The following REV1 variants were observed in gnomAD, a reference collection of about 807,000 sequenced individuals.
REV1 encodes the protein REV1 DNA directed polymerase, also known as translesion synthesis protein REV1.
REV1 carries 42 observed loss-of-function variants against 137.4 expected under a neutral mutation model. That is an observed-to-expected ratio of 0.31 (90% confidence interval 0.24 to 0.40). The LOEUF is 0.40. Among genes scored for constraint, REV1 ranks in the 10% least tolerant of loss-of-function variants. The pLI, the probability that REV1 is intolerant of heterozygous loss-of-function variation, is 1.00. For synonymous variants in REV1, 524 were observed against 519.2 expected (o/e 1.01, Z -0.12); for missense variants, 1,282 against 1,490.1 (o/e 0.86, Z 2.30).
intron 8 of REV1, among the ~76,000 whole-genome samples, chr2:99,431,296 T>G (rs1333152002): frequency 6.6e-6 from 1 of 152,188 alleles, no homozygotes; most frequent in Non-Finnish European, 1.5e-5. Flanking sequence ...GTGAGCTAGT[T>G]TCTGACATAT....
intron 6 of REV1, among the ~76,000 whole-genome samples, chr2:99,437,927 C>T (rs1393365311): frequency 1.3e-5 from 2 of 152,052 alleles, no homozygotes; most frequent in African/African-American, 4.8e-5. Flanking sequence ...CTCTCTATAC[C>T]TCAGTTTCCA....
intron 2 of REV1, 50 bp downstream of exon 2, chr2:99,464,872 A>G (rs374958831): frequency 8.4e-4 from 1,291 of 1,541,850 alleles, no homozygotes; most frequent in Non-Finnish European, 1.0e-3. Flanking sequence ...AGAAGAATGA[A>G]AAATAACTAG....
rs777526632 is a variant in REV1, at chr2:99,438,789, T to C, written c.1025A>G (p.Lys342Arg). 6.2e-7 allele frequency: 1 copy of C among 1,614,236 alleles called. No homozygotes were observed. Among genetic ancestry groups the C allele is most frequent in the Non-Finnish European group, 8.5e-7 (1 of 1,180,036 alleles). Residue 342 changes from lysine (K) to arginine (R), a missense_variant, in exon 6 of 23, where the codon AAA becomes AGA. Transcript: ENST00000258428. ...TGAAATAAAATTGCAGTCTGAAGGT[T>C]TGGATGGCACTGAAGGTGCTGCCTT... ...FSKAAPSVPS[K>R]PSDCNFISNF...
chr2:99,424,331 C>A, intron 9 of REV1, 51 bp from the exon 10 acceptor site: 1 of 1,570,598 alleles, frequency 6.4e-7, no homozygotes, highest in South Asian at 1.2e-5. Flanking sequence ...GTTTTCAACT[C>A]AAATATTTAT....
chr2:99,407,505 C>G (rs1676503760), intron 15 of REV1, among the ~76,000 whole-genome samples: 1 of 151,334 alleles, frequency 6.6e-6, no homozygotes, highest in African/African-American at 2.4e-5. Context: ...TGAGCCGATA[C>G]AACGCCATTG....
At position 99,403,648 on chromosome 2, in the gene REV1, A is replaced by G. The variant is rs575316111; in HGVS notation, c.3166+47T>C. The stretch of plus-strand genomic sequence containing the variant: ...GCAATAATTAGACAACAGTGACTCC[A>G]TTACTCTTTGTCTTCATTTTTGTTA... On this transcript the variant is annotated intron_variant, in intron 19 of 22. Transcript: ENST00000258428. The G allele has an allele frequency of 3.6e-4, 578 of 1,613,506 alleles. 7 individuals are homozygous for G. In the South Asian group the frequency reaches 6.0e-3, roughly 17 times the overall value.
At chr2:99,474,464 C>T (rs970580353) in intron 1 of REV1, among the ~76,000 whole-genome samples, 1 of 152,158 alleles carries the variant, frequency 6.6e-6, no homozygotes, top group Non-Finnish European at 1.5e-5. Flanking sequence ...TCTGAAGTAA[C>T]CTAACACAAT....
At chr2:99,479,125 C>T (rs1370880721) in intron 1 of REV1, among the ~76,000 whole-genome samples, 1 of 151,664 alleles carries the variant, frequency 6.6e-6, no homozygotes, top group African/African-American at 2.4e-5. Context: ...GTCAGGAGAT[C>T]GAGACCACAC....
chr2:99,444,028 G>C (rs1028109639), intron 4 of REV1, among the ~76,000 whole-genome samples: 1 of 152,056 alleles, frequency 6.6e-6, no homozygotes, highest in African/African-American at 2.4e-5. Flanking sequence ...CACCGTGTTA[G>C]CCAGGATGGT....
Position 99,402,898 on chromosome 2 carries a change from C to A in REV1, c.3375G>T (p.Glu1125Asp), listed in dbSNP as rs143534521. ...AAAGTTAAGGAATTACCAGGGGTTTCTCTGCAGGAGGTCCTTCATGTTTTA... is the reference window on the plus strand; with the variant it reads ...AAAGTTAAGGAATTACCAGGGGTTTATCTGCAGGAGGTCCTTCATGTTTTA... ...GFLKHEGPPA[E>D]KPLEELSAST... Residue 1125 changes from glutamate (E) to aspartate (D), a missense_variant, in exon 20 of 23, where the codon GAG (glutamate) becomes GAT (aspartate). Physicochemically the swap from Glu to Asp is conservative, Grantham distance 45. Coordinates refer to ENST00000258428, the MANE Select transcript of REV1 (RefSeq NM_016316.4). The A allele has an allele frequency of 1.9e-6, 3 of 1,613,564 alleles. No individual in the cohort carries two copies. In the African/African-American group the frequency reaches 4.0e-5, roughly 22 times the overall value.
chr2:99,465,853 ATC>A (rs1684734969), intron 1 of REV1, among the ~76,000 whole-genome samples: 1 of 152,200 alleles, frequency 6.6e-6, no homozygotes, highest in South Asian at 2.1e-4. Context: ...CTCTGATATG[ATC>A]TATGAGAATT....
rs755184253 is a variant in REV1 at position 99,416,912 on chromosome 2, C to CAAAA, written c.1951+1912_1951+1915dup. 6.4e-4 allele frequency among the ~76,000 whole-genome samples: 50 copies of CAAAA among 77,746 alleles called. 1 individual carries two copies. Among genetic ancestry groups the CAAAA allele is most frequent in the African/African-American group, 1.1e-3 (19 of 16,600 alleles). 51.0% of individuals were successfully genotyped at this position (77,746 alleles called of 152,430 possible). A position where few individuals can be genotyped will look rare whatever the true frequency, so the allele number is the denominator to read the frequency against. On this transcript the variant is annotated intron_variant, in intron 12 of 22. Transcript: ENST00000258428. ...TGGGCAACAGAGCAAGACTCCATCT[C>CAAAA]AAAAAAAAAAAAAAAAAAAAAGAAA...
chr2:99,469,841 C>A (rs1048726471), intron 1 of REV1, among the ~76,000 whole-genome samples: 2 of 152,068 alleles, frequency 1.3e-5, no homozygotes, highest in African/African-American at 4.8e-5. Context: ...TCACCAGGAA[C>A]ATTCATTTTC....
chr2:99,440,586 A>G (rs1028033942), intron 5 of REV1, among the ~76,000 whole-genome samples: 3 of 152,260 alleles, frequency 2.0e-5, no homozygotes, highest in Non-Finnish European at 4.4e-5. Context: ...AGTGATGGGG[A>G]AAAAGACAAA....
At position 99,442,607 on chromosome 2, in the gene REV1, C is replaced by T. The variant is rs184696041; in HGVS notation, c.351-138G>A. On this transcript the variant is annotated intron_variant, in intron 4 of 22. Coordinates refer to ENST00000258428, the MANE Select transcript of REV1 (RefSeq NM_016316.4). ...TTTTCCTAGTTTATTCCTTCTTGCT[C>T]GGTTTTAGTGGTCCTAATACAATAT... 35 of 774,344 alleles carry T rather than the reference C, an allele frequency of 4.5e-5. No homozygotes were observed. The Admixed American group carries it at 4.8e-4, about 11-fold the overall frequency. The allele number at this position is 774,344 out of a possible 1,614,324, so 48.0% of individuals were successfully genotyped here.
At chr2:99,481,390 T>C (rs1559423962) in intron 1 of REV1, among the ~76,000 whole-genome samples, 3 of 151,946 alleles carry the variant, frequency 2.0e-5, no homozygotes, top group Non-Finnish European at 4.4e-5. Context: ...ATTGTATCAA[T>C]AAAAAAAATG....
At chr2:99,428,393 A>G (rs1679653815) in intron 9 of REV1, among the ~76,000 whole-genome samples, 1 of 152,210 alleles carries the variant, frequency 6.6e-6, no homozygotes, top group Admixed American at 6.5e-5. Context: ...ATTTGACTTA[A>G]TTATCATTTA....
intron 6 of REV1, chr2:99,436,804 C>T (rs1680811125): frequency 6.6e-6 from 1 of 152,032 alleles, no homozygotes; most frequent in Non-Finnish European, 1.5e-5. Context: ...GGAAAAAGAA[C>T]CCTGGGCTTG....
intron 1 of REV1, among the ~76,000 whole-genome samples, chr2:99,485,163 A>G (rs1212055288): frequency 6.6e-6 from 1 of 152,242 alleles, no homozygotes; most frequent in Non-Finnish European, 1.5e-5. Flanking sequence ...TTTACTAAGG[A>G]CAAGTGAATT....
Sources: allele counts gnomAD v4.1 joint callset (sites outside exome capture counted in the v4.1 genomes callset), GRCh38; gene constraint gnomAD v4.1.1; transcripts MANE v1.5; gene names NCBI Gene and HGNC (gene_info 2026-07-23, HGNC 2026-07-21).